TPD52L1: variants seen among roughly 807,000 people sequenced by gnomAD.
TPD52L1 encodes the protein tumor protein D53.
Under a neutral mutation model 28.7 loss-of-function variants are expected in TPD52L1, and 18 were observed. That is an observed-to-expected ratio of 0.63 (90% CI 0.43 to 0.93). The LOEUF is 0.93. Among genes scored for constraint, TPD52L1 ranks in the 40% least tolerant of loss-of-function variants. The pLI is 0.00. For synonymous variants in TPD52L1, 75 were observed against 88.8 expected (o/e 0.84, Z 0.88); for missense variants, 203 against 254.8 (o/e 0.80, Z 1.39).
At chr6:125,208,618 G>C (rs1794317534) in intron 1 of TPD52L1, among the ~76,000 whole-genome samples, 1 of 152,132 alleles carries the variant, frequency 6.6e-6, no homozygotes, top group African/African-American at 2.4e-5. Flanking sequence ...GTGGCTCCAG[G>C]CACAGTAAGT....
chr6:125,204,545 T>A (rs1793992814), intron 1 of TPD52L1, among the ~76,000 whole-genome samples: 1 of 152,100 alleles, frequency 6.6e-6, no homozygotes, highest in Non-Finnish European at 1.5e-5. Flanking sequence ...AGTGGGGCGA[T>A]CTCGGCTCAC....
chr6:125,253,599 G>T, intron 4 of TPD52L1, 118 bp from the exon 5 acceptor site: 1 of 905,944 alleles, frequency 1.1e-6, no homozygotes, highest in South Asian at 1.5e-5. Context: ...GATGGGCAGG[G>T]AATATTTCAG....
At chr6:125,184,871 A>T (rs1339143193) in intron 1 of TPD52L1, among the ~76,000 whole-genome samples, 3 of 152,300 alleles carry the variant, frequency 2.0e-5, no homozygotes, top group Non-Finnish European at 4.4e-5. Flanking sequence ...AATCAAGTGC[A>T]CCATTGCTAC....
chr6:125,253,776 T>C, intron 5 of TPD52L1, 21 bp downstream of exon 5: 1 of 1,575,956 alleles, frequency 6.3e-7, no homozygotes, highest in Non-Finnish European at 8.7e-7. Flanking sequence ...TAAAATATTT[T>C]ATGTAATATT....
chr6:125,159,612 G>A (rs1420562082), intron 1 of TPD52L1, among the ~76,000 whole-genome samples: 1 of 152,118 alleles, frequency 6.6e-6, no homozygotes, highest in Non-Finnish European at 1.5e-5. Flanking sequence ...CTAGAATGGT[G>A]AATCCTTTCC....
At chr6:125,171,366 G>A (rs1033334922) in intron 1 of TPD52L1, among the ~76,000 whole-genome samples, 2 of 152,144 alleles carry the variant, frequency 1.3e-5, no homozygotes, top group Non-Finnish European at 2.9e-5. Flanking sequence ...TTCTGTTATT[G>A]ATATTCTTGT....
intron 1 of TPD52L1, among the ~76,000 whole-genome samples, chr6:125,194,102 T>C (rs574500681): frequency 1.3e-5 from 2 of 151,788 alleles, no homozygotes; most frequent in African/African-American, 2.4e-5. Context: ...TTTCTAATAG[T>C]AGTGGACTGG....
chr6:125,244,482 C>A (rs937286175), intron 3 of TPD52L1, among the ~76,000 whole-genome samples: 1 of 152,192 alleles, frequency 6.6e-6, no homozygotes, highest in African/African-American at 2.4e-5. Context: ...AGCTACTCAC[C>A]TCACAGCCTT....
In TPD52L1 at chr6:125,231,127, C is replaced by A. The variant is rs1354913419; in HGVS notation, c.284+1861C>A. ...TCTAATTCTCTGGGTTTGGTCACCT[C>A]TGTATTTAATCCAGGCCTGAGGGTT... On this transcript the variant is annotated intron_variant, in intron 3 of 6. Coordinates refer to ENST00000534000, the MANE Select transcript of TPD52L1 (RefSeq NM_003287.4). 3.9e-5 allele frequency: 6 copies of A among 152,358 alleles called. No homozygotes were observed. In the East Asian group the frequency reaches 7.7e-4, roughly 20 times the overall value. 9.4% of individuals were successfully genotyped at this position (152,358 alleles called of 1,614,324 possible).
chr6:125,232,704 G>T (rs1361076461), intron 3 of TPD52L1, among the ~76,000 whole-genome samples: 1 of 152,122 alleles, frequency 6.6e-6, no homozygotes, highest in Non-Finnish European at 1.5e-5. Context: ...TCTGCAGTAG[G>T]ATTCAAATTG....
chr6:125,216,201 G>A (rs993619329), intron 1 of TPD52L1, among the ~76,000 whole-genome samples: 4 of 152,098 alleles, frequency 2.6e-5, no homozygotes, highest in Non-Finnish European at 5.9e-5. Flanking sequence ...TCTTGAGTCT[G>A]TAGTCTCATA....
At chr6:125,256,883 C>A (rs1332582594) in intron 5 of TPD52L1, among the ~76,000 whole-genome samples, 1 of 152,226 alleles carries the variant, frequency 6.6e-6, no homozygotes, top group African/African-American at 2.4e-5. Flanking sequence ...GTGTACTGAT[C>A]ATTTTACCTA....
chr6:125,158,152 C>G (rs1004392065), intron 1 of TPD52L1, among the ~76,000 whole-genome samples: 1 of 152,120 alleles, frequency 6.6e-6, no homozygotes, highest in Non-Finnish European at 1.5e-5. Context: ...CTCTCTCTCT[C>G]AAGACCTTTA....
chr6:125,220,931 C>A (rs1795190046), intron 2 of TPD52L1, among the ~76,000 whole-genome samples: 1 of 152,180 alleles, frequency 6.6e-6, no homozygotes, highest in Non-Finnish European at 1.5e-5. Flanking sequence ...GGAGCTGAGG[C>A]CAACATTCCC....
At chr6:125,181,547 A>G (rs564228000) in intron 1 of TPD52L1, among the ~76,000 whole-genome samples, 6 of 152,386 alleles carry the variant, frequency 3.9e-5, no homozygotes, top group African/African-American at 1.4e-4. Flanking sequence ...TAAAGAATGC[A>G]TGTGTTTTAC....
chr6:125,161,716 T>A (rs1202013360), intron 1 of TPD52L1, among the ~76,000 whole-genome samples: 1 of 152,208 alleles, frequency 6.6e-6, no homozygotes, highest in African/African-American at 2.4e-5. Context: ...CCATCTTATA[T>A]GGGCATAGTT....
chr6:125,217,490 T>C (rs476249), intron 1 of TPD52L1, among the ~76,000 whole-genome samples: 90,325 of 151,948 alleles, frequency 0.59, 29,038 homozygotes, highest in African/African-American at 0.85. Flanking sequence ...CAATAGGGTT[T>C]GCGGTCCTAT....
intron 1 of TPD52L1, chr6:125,154,357 CTT>C (rs1789969542): frequency 9.7e-7 from 1 of 1,031,672 alleles, no homozygotes; most frequent in African/African-American, 1.7e-5. Context: ...GAATGTGACT[CTT>C]TTCGCCCAGC....
chr6:125,220,254 T>C, intron 2 of TPD52L1, 61 bp downstream of exon 2: 1 of 1,061,174 alleles, frequency 9.4e-7, no homozygotes, highest in East Asian at 2.4e-5. Context: ...TTATTATTAG[T>C]TTGATATAAT....
Sources: gnomAD v4.1 joint callset for allele counts (sites outside exome capture counted in the v4.1 genomes callset) on GRCh38, gnomAD v4.1.1 for gene constraint, MANE v1.5 for transcripts, NCBI Gene and HGNC (gene_info 2026-07-23, HGNC 2026-07-21) for gene names.